The following FLT1 variants were observed in gnomAD, a reference collection of about 807,000 sequenced individuals.
The protein encoded by FLT1 is fms related receptor tyrosine kinase 1.
In FLT1, 49 loss-of-function variants were observed where a neutral mutation model predicts 156.3. The observed-to-expected ratio is 0.31, with a 90% CI of 0.25 to 0.40. The LOEUF is 0.40. Among genes scored for constraint, FLT1 ranks in the 10% least tolerant of loss-of-function variants. FLT1 has a pLI of 1.00. For synonymous variants in FLT1, 594 were observed against 583.8 expected, an observed-to-expected ratio of 1.02 and a Z score of -0.25; for missense variants, 1,322 against 1,637.2, an observed-to-expected ratio of 0.81 and a Z score of 3.32.
Position 28,301,739 on chromosome 13 carries a change from G to C in FLT1, c.*1428C>G, listed in dbSNP as rs561581929. The stretch of plus-strand genomic sequence containing the variant: ...GCCCACTTGATCTTTAGACCCTGAA[G>C]AGTAGGCGCCCTTTCCTACCCTGTC... On this transcript the variant is annotated 3_prime_UTR_variant, in exon 30 of 30. Coordinates refer to ENST00000282397, the MANE Select transcript of FLT1 (RefSeq NM_002019.4). The C allele has an allele frequency of 4.3e-6, 1 of 233,262 alleles. No individual in the cohort carries two copies. Among genetic ancestry groups the C allele is most frequent in the Non-Finnish European group, 8.5e-6 (1 of 117,870 alleles). The allele number at this position is 233,262 out of a possible 1,614,324, so 14.4% of individuals were successfully genotyped here. A position where few individuals can be genotyped will look rare whatever the true frequency, so the allele number is the denominator to read the frequency against.
chr13:28,473,769 GGAAGGAAGGAAAGAAA>G lies in FLT1; in HGVS notation c.65-6168_65-6153del, dbSNP rs1158613142. On this transcript the variant is annotated intron_variant, in intron 1 of 29. Coordinates refer to ENST00000282397, the MANE Select transcript of FLT1 (RefSeq NM_002019.4). ...AGGAAGGAAGGAAGGAAGGAAGGAA[GGAAGGAAGGAAAGAAA>G]GAAAGAAAGAAAGAAAGAAAGAAAG... Among the ~76,000 whole-genome samples the G allele has an allele frequency of 4.0e-3, 384 of 95,482 alleles. 1 individual carries two copies. The highest frequency in any genetic ancestry group is 5.0e-3 in the Middle Eastern group (1 of 202). 62.6% of individuals were successfully genotyped at this position (95,482 alleles called of 152,430 possible).
At chr13:28,400,734 A>G (rs1159099171) in intron 11 of FLT1, among the ~76,000 whole-genome samples, 1 of 152,226 alleles carries the variant, frequency 6.6e-6, no homozygotes, top group East Asian at 1.9e-4. Context: ...AATATCAACT[A>G]AATACTTTCA....
chr13:28,410,798 T>A (rs187150961), intron 10 of FLT1, among the ~76,000 whole-genome samples: 1 of 152,286 alleles, frequency 6.6e-6, no homozygotes. Flanking sequence ...AATCCTTTTA[T>A]CAATAAGGAA....
chr13:28,466,711 G>T (rs1353043504), intron 3 of FLT1, 192 bp downstream of exon 3: 4 of 678,864 alleles, frequency 5.9e-6, no homozygotes, highest in Non-Finnish European at 1.1e-5. Context: ...GGAGCACATA[G>T]TGACTAACTG....
rs538232244 is a variant in FLT1 at position 28,392,468 on chromosome 13, T to A, written c.1661-2364A>T. ...CAGAGGTATTGTGCACTGGTTGCAA[T>A]CAACTCTTACAAGACCACAGACTTT... On this transcript the variant is annotated intron_variant, in intron 12 of 29. Coordinates refer to ENST00000282397, the MANE Select transcript of FLT1 (RefSeq NM_002019.4). 3.9e-5 allele frequency among the ~76,000 whole-genome samples: 6 copies of A among 152,334 alleles called. No individual in the cohort carries two copies. The South Asian group carries it at 1.2e-3, about 32-fold the overall frequency.
At chr13:28,355,603 C>T (rs1872870947) in intron 15 of FLT1, among the ~76,000 whole-genome samples, 1 of 152,202 alleles carries the variant, frequency 6.6e-6, no homozygotes, top group Non-Finnish European at 1.5e-5. Context: ...AGCATTTCAG[C>T]TGGCCTGAGA....
rs1198785216 is a variant in FLT1, at chr13:28,339,055, G to C, written c.2488+113C>G. 2.5e-5 allele frequency: 23 copies of C among 932,778 alleles called. No individual in the cohort carries two copies. In the Admixed American group the frequency reaches 5.0e-4, roughly 20 times the overall value. 57.8% of individuals were successfully genotyped at this position (932,778 alleles called of 1,614,324 possible). On this transcript the variant is annotated intron_variant, in intron 17 of 29. Coordinates refer to ENST00000282397, the MANE Select transcript of FLT1 (RefSeq NM_002019.4). ...CATCTCCCTTGCTAGTCTGTGAGCA[G>C]CTGGAGGGTAGAATCCCAGGTCTAG...
rs577873444 is a variant in FLT1 at position 28,433,892 on chromosome 13, G to A, written c.740C>T (p.Thr247Ile). The A allele has an allele frequency of 1.9e-6, 3 of 1,613,050 alleles. No homozygotes were observed. The highest frequency in any genetic ancestry group is 1.3e-5 in the African/African-American group (1 of 75,042). ...PRPVKLLRGHTLVLNCTATTP... is the reference protein window; with the variant it reads ...PRPVKLLRGHILVLNCTATTP... ...GGTAGCAGTACAATTGAGGACAAGA[G>A]TATGGCCTCTAAGTAATTTGACTGG... is the stretch of plus-strand genomic sequence containing the variant. Residue 247 changes from threonine (T) to isoleucine (I), a missense_variant, in exon 6 of 30, where the codon ACT becomes ATT. By Grantham distance (89) the Thr-to-Ile change is moderately conservative. This residue lies in a region of FLT1 where 991 missense variants were observed against 1,254.8 expected (regional missense o/e 0.79). Coordinates refer to ENST00000282397, the MANE Select transcript of FLT1 (RefSeq NM_002019.4).
At chr13:28,369,833 C>A (rs73158146) in intron 14 of FLT1, among the ~76,000 whole-genome samples, 3 of 152,098 alleles carry the variant, frequency 2.0e-5, no homozygotes, top group Non-Finnish European at 4.4e-5. Flanking sequence ...AGACGATTTA[C>A]GCTTTAGCCA....
intron 14 of FLT1, among the ~76,000 whole-genome samples, chr13:28,378,088 T>C (rs1404847470): frequency 6.6e-6 from 1 of 151,578 alleles, no homozygotes; most frequent in Non-Finnish European, 1.5e-5. Context: ...CTTGCTCTGT[T>C]GCCAGGCTGG....
intron 15 of FLT1, among the ~76,000 whole-genome samples, chr13:28,349,477 C>T (rs2138863820): frequency 6.6e-6 from 1 of 152,156 alleles, no homozygotes; most frequent in Middle Eastern, 3.4e-3. Flanking sequence ...CACGCACACA[C>T]ACACACACGC....
chr13:28,368,638 C>T (rs1486689377), intron 14 of FLT1: 7 of 1,207,394 alleles, frequency 5.8e-6, no homozygotes, highest in South Asian at 1.3e-5. Flanking sequence ...ATGACGATGA[C>T]GATGGTGACG....
chr13:28,303,690 C>G (rs1008860196), intron 29 of FLT1, among the ~76,000 whole-genome samples: 1 of 152,118 alleles, frequency 6.6e-6, no homozygotes, highest in Non-Finnish European at 1.5e-5. Flanking sequence ...ATTCTTGGGT[C>G]AAACAGCTTC....
intron 3 of FLT1, among the ~76,000 whole-genome samples, chr13:28,461,514 C>T (rs181977086): frequency 4.6e-4 from 70 of 152,248 alleles, no homozygotes; most frequent in Non-Finnish European, 9.4e-4. Context: ...TAAGTAAAAG[C>T]TCTTAAGGAA....
Position 28,319,594 on chromosome 13 carries a change from G to A in FLT1, c.3175-60C>T, listed in dbSNP as rs111484365. 618 of 950,912 alleles carry A rather than the reference G, an allele frequency of 6.5e-4. 1 individual carries two copies. The highest frequency in any genetic ancestry group is 2.2e-3 in the African/African-American group (139 of 62,280). The allele number at this position is 950,912 out of a possible 1,614,324, so 58.9% of individuals were successfully genotyped here. A position where few individuals can be genotyped will look rare whatever the true frequency, so the allele number is the denominator to read the frequency against. ...CATGAAAACAAAGCACATTCAACCC[G>A]AGTGTCCATGGGGTCACCTCCCAGA... On this transcript the variant is annotated intron_variant, in intron 23 of 29. Coordinates refer to ENST00000282397, the MANE Select transcript of FLT1 (RefSeq NM_002019.4).
chr13:28,368,561 GATGATA>G, intron 14 of FLT1: 1 of 1,509,312 alleles, frequency 6.6e-7, no homozygotes, highest in African/African-American at 1.4e-5. Context: ...TGATGATGAT[GATGATA>G]ATGATGATAG....
chr13:28,491,746 G>C (rs1264785563), intron 1 of FLT1, among the ~76,000 whole-genome samples: 1 of 152,302 alleles, frequency 6.6e-6, no homozygotes, highest in South Asian at 2.1e-4. Flanking sequence ...GACAGACACG[G>C]TGTTCAGGCC....
chr13:28,321,656 G>T (rs1285594727), intron 22 of FLT1, 71 bp from the exon 23 acceptor site: 2 of 1,482,710 alleles, frequency 1.3e-6, no homozygotes, highest in South Asian at 1.1e-5. Context: ...ACCTGTCAGT[G>T]TCATTATCTT....
In FLT1 at chr13:28,358,247, C is replaced by A. The variant is rs531482722; in HGVS notation, c.2117-562G>T. Among the ~76,000 whole-genome samples, 9 of 152,270 alleles carry A rather than the reference C, an allele frequency of 5.9e-5. No homozygotes were observed. In the South Asian group the frequency reaches 1.9e-3, roughly 32 times the overall value. On this transcript the variant is annotated intron_variant, in intron 14 of 29. Coordinates refer to ENST00000282397, the MANE Select transcript of FLT1 (RefSeq NM_002019.4). ...ATTTGTGACATATGGGTCAAAGGAA[C>A]TAATATTTCATTTGTCATAAGGCCT...
Sources: gnomAD v4.1 joint callset for allele counts (sites outside exome capture counted in the v4.1 genomes callset) on GRCh38, gnomAD v4.1.1 for gene constraint, gnomAD v4.1.1 regional missense constraint, MANE v1.5 for transcripts, NCBI Gene and HGNC (gene_info 2026-07-23, HGNC 2026-07-21) for gene names.